The following CKAP2 variants were observed in gnomAD, a reference collection of about 807,000 sequenced individuals.
The protein encoded by CKAP2 is cytoskeleton-associated protein 2.
Under a neutral mutation model 58.4 loss-of-function variants are expected in CKAP2, and 46 were observed. The ratio of observed to expected loss-of-function variants is 0.79; its 90% CI spans 0.62 to 1.01. CKAP2 has a LOEUF of 1.01. Among genes scored for constraint, CKAP2 ranks in the 50% least tolerant of loss-of-function variants. The probability of loss-of-function intolerance (pLI) is 0.00; values close to 1 mark genes in which losing one functional copy is unlikely to be tolerated. For synonymous variants in CKAP2, 293 were observed against 280.9 expected (o/e 1.04, Z -0.43); for missense variants, 809 against 796.4 (o/e 1.02, Z -0.19).
intron 6 of CKAP2, among the ~76,000 whole-genome samples, chr13:52,467,094 C>T (rs2137859335): frequency 1.6e-5 from 2 of 123,372 alleles, no homozygotes; most frequent in Middle Eastern, 7.8e-3. Flanking sequence ...GAGCAACACC[C>T]TGTCTCAAAA....
rs768975894 is a variant in CKAP2, at chr13:52,473,832, A to G, written c.1550A>G (p.Glu517Gly). The change falls in exon 8 of 9, where the codon GAA (glutamate) becomes GGA (glycine). Residue 517 changes from glutamate (E) to glycine (G), a missense_variant. Transcript: ENST00000258607. Reference sequence around the variant, plus strand: ...TCTATAAATGTATTTTCTATAGGAGAAAATATGGAGAAGTCTTGTGCAAGC... The same window carrying G: ...TCTATAAATGTATTTTCTATAGGAGGAAATATGGAGAAGTCTTGTGCAAGC... ...MKSQEKANLG[E>G]NMEKSCASKE... is the part of the protein sequence containing the mutation. 2.8e-5 allele frequency: 45 copies of G among 1,596,220 alleles called. No individual in the cohort carries two copies. In the East Asian group the frequency reaches 1.0e-3, roughly 36 times the overall value.
chr13:52,475,236 C>A lies in CKAP2; in HGVS notation c.*95C>A. Reference sequence around the variant, plus strand: ...TATTGCTCTTAGGTCTGGAGTTGGCCATGTACCTATGTATCCTAAGCATTC... The same window carrying A: ...TATTGCTCTTAGGTCTGGAGTTGGCAATGTACCTATGTATCCTAAGCATTC... On this transcript the variant is annotated 3_prime_UTR_variant, in exon 9 of 9. Coordinates refer to ENST00000258607, the MANE Select transcript of CKAP2 (RefSeq NM_018204.5). 1 of 1,456,078 alleles carries A rather than the reference C, an allele frequency of 6.9e-7. No individual in the cohort carries two copies. The highest frequency in any genetic ancestry group is 9.3e-7 in the Non-Finnish European group (1 of 1,080,612). 90.2% of individuals were successfully genotyped at this position (1,456,078 alleles called of 1,614,324 possible). A position where few individuals can be genotyped will look rare whatever the true frequency, so the allele number is the denominator to read the frequency against.
At position 52,463,711 on chromosome 13, in the gene CKAP2, T is replaced by C. The variant is rs1306264419; in HGVS notation, c.1305+1144T>C. Among the ~76,000 whole-genome samples the C allele has an allele frequency of 3.9e-5, 6 of 152,310 alleles. No individual in the cohort carries two copies. The East Asian group carries it at 1.2e-3, about 29-fold the overall frequency. ...TTGAGGGACCAGGAAGTGGGTTCTC[T>C]AGGGATAAGGAGGCATTCTGCTGGG... On this transcript the variant is annotated intron_variant, in intron 5 of 8. Coordinates refer to ENST00000258607, the MANE Select transcript of CKAP2 (RefSeq NM_018204.5).
Position 52,460,506 on chromosome 13 carries a change from T to G in CKAP2, c.156-393T>G, listed in dbSNP as rs71437861. On this transcript the variant is annotated intron_variant, in intron 2 of 8. Transcript: ENST00000258607. ...GTCACCCAGGCTGGAGTGCAGTGGC[T>G]CGATCTTGGCTCACTGCGAACTCCG... 7.4e-3 allele frequency among the ~76,000 whole-genome samples: 1,109 copies of G among 150,826 alleles called. 6 individuals are homozygous for G. The highest frequency in any genetic ancestry group is 0.017 in the African/African-American group (695 of 41,074).
chr13:52,472,338 A>C (rs943197133), intron 7 of CKAP2, among the ~76,000 whole-genome samples: 1 of 152,356 alleles, frequency 6.6e-6, no homozygotes, highest in East Asian at 1.9e-4. Context: ...GTGCTAATGC[A>C]ATGCCTGACA....
At chr13:52,455,916 G>T (rs1958471113) in intron 1 of CKAP2, 5 of 1,150,262 alleles carry the variant, frequency 4.3e-6, no homozygotes, top group Non-Finnish European at 5.4e-6. Context: ...GCCGGGGTCG[G>T]TGTCGGAGAC....
rs939640108 is a variant in CKAP2 at position 52,476,438 on chromosome 13, T to C, written c.*1297T>C. 7.2e-5 allele frequency: 11 copies of C among 152,202 alleles called. No individual in the cohort carries two copies. Among genetic ancestry groups the C allele is most frequent in the Admixed American group, 3.9e-4 (6 of 15,272 alleles). The allele number at this position is 152,202 out of a possible 1,614,324, so 9.4% of individuals were successfully genotyped here. On this transcript the variant is annotated 3_prime_UTR_variant, in exon 9 of 9. Transcript: ENST00000258607. ...ATTTTAGCTTTGCTTTTGAAATACA[T>C]TGTAAGATTTGACTTGAGGTTTTTG... is the stretch of plus-strand genomic sequence containing the variant.
At chr13:52,457,933 G>T (rs1396825107) in intron 2 of CKAP2, among the ~76,000 whole-genome samples, 1 of 152,074 alleles carries the variant, frequency 6.6e-6, no homozygotes, top group African/African-American at 2.4e-5. Flanking sequence ...AAATGATAAC[G>T]CAAATGGGAT....
chr13:52,467,660 G>C (rs1427459305), intron 6 of CKAP2, among the ~76,000 whole-genome samples: 5 of 151,892 alleles, frequency 3.3e-5, no homozygotes, highest in Non-Finnish European at 5.9e-5. Context: ...AATGAGCCGA[G>C]ATCGCACCAC....
Position 52,461,408 on chromosome 13 carries a change from A to C in CKAP2, c.582A>C (p.Leu194=), listed in dbSNP as rs147763631. The C allele has an allele frequency of 3.7e-6, 6 of 1,614,120 alleles. No homozygotes were observed. The East Asian group carries it at 1.3e-4, about 36-fold the overall frequency. The change falls in exon 4 of 9, where the codon CTA becomes CTC. Residue 194 remains leucine (L), a synonymous_variant. Transcript: ENST00000258607. ...AGATTAATTCATTTAGAAAACCTCT[A>C]CAAGTCAAAGATGAGAGTTCTGCAG... ...QSKINSFRKP[L]QVKDESSAAT... is the part of the protein sequence containing the mutation.
At position 52,456,552 on chromosome 13, in the gene CKAP2, C is replaced by T; in HGVS notation, c.100C>T (p.Leu34=). ...AAGAAGACAAAAACTCAAGGAACAT[C>T]TGTTGAGAAGAAAAACGCTTTTTGC... is the stretch of plus-strand genomic sequence containing the variant. ...EQRRQKLKEH[L]LRRKTLFAYK... Residue 34 remains leucine (L), a synonymous_variant, in exon 2 of 9, where the codon CTG becomes TTG. Coordinates refer to ENST00000258607, the MANE Select transcript of CKAP2 (RefSeq NM_018204.5). The T allele has an allele frequency of 6.2e-7, 1 of 1,613,714 alleles. No homozygotes were observed. The highest frequency in any genetic ancestry group is 2.2e-5 in the East Asian group (1 of 44,842).
At position 52,461,572 on chromosome 13, in the gene CKAP2, C is replaced by T. The variant is rs371667488; in HGVS notation, c.746C>T (p.Thr249Ile). 5.0e-6 allele frequency: 8 copies of T among 1,614,054 alleles called. No homozygotes were observed. The highest frequency in any genetic ancestry group is 1.7e-5 in the Admixed American group (1 of 59,998). Residue 249 changes from threonine (T) to isoleucine (I), a missense_variant, in exon 4 of 9, where the codon ACA becomes ATA. Physicochemically the swap from Thr to Ile is moderately conservative, Grantham distance 89. Around this residue, in one of 3 missense-constraint regions of CKAP2, gnomAD observed 523 missense variants for 492.4 expected, o/e 1.06. Transcript: ENST00000258607. ...TTTGTGAGCACTACATCTCAGAACA[C>T]ACAACTTGTGCGACCTCCTATTAGA... Reference protein sequence around the residue: ...TKFVSTTSQNTQLVRPPIRSH... With the variant: ...TKFVSTTSQNIQLVRPPIRSH...
In CKAP2 at chr13:52,455,941, G is replaced by C. The variant is rs555495673; in HGVS notation, c.70+315G>C. 1,982 of 1,149,042 alleles carry C rather than the reference G, an allele frequency of 1.7e-3. 9 individuals carry two copies. The highest frequency in any genetic ancestry group is 2.0e-3 in the Non-Finnish European group (1,839 of 938,512). 71.2% of individuals were successfully genotyped at this position (1,149,042 alleles called of 1,614,324 possible). A position where few individuals can be genotyped will look rare whatever the true frequency, so the allele number is the denominator to read the frequency against. On this transcript the variant is annotated intron_variant, in intron 1 of 8. Coordinates refer to ENST00000258607, the MANE Select transcript of CKAP2 (RefSeq NM_018204.5). Reference sequence around the variant, plus strand: ...GTGTCGGAGACCCTGGGTCCGCTTGGGGGCGGGGCTGCACAGGTTCAGGGA... The same window carrying C: ...GTGTCGGAGACCCTGGGTCCGCTTGCGGGCGGGGCTGCACAGGTTCAGGGA...
At chr13:52,464,566 A>C (rs1268213707) in intron 5 of CKAP2, among the ~76,000 whole-genome samples, 5 of 151,974 alleles carry the variant, frequency 3.3e-5, no homozygotes, top group African/African-American at 7.3e-5. Context: ...AAAAAAAAAA[A>C]AAAAAAAACA....
At chr13:52,465,677 T>C in intron 6 of CKAP2, 1 of 636,536 alleles carries the variant, frequency 1.6e-6, no homozygotes, top group East Asian at 3.0e-5. Flanking sequence ...TTTTAGAAAA[T>C]GGATATAAGC....
At chr13:52,462,839 T>C (rs1420645560) in intron 5 of CKAP2, among the ~76,000 whole-genome samples, 1 of 152,212 alleles carries the variant, frequency 6.6e-6, no homozygotes, top group Non-Finnish European at 1.5e-5. Flanking sequence ...CCAAAATGCT[T>C]GGGACCAGAA....
At chr13:52,464,468 G>A (rs978232967) in intron 5 of CKAP2, among the ~76,000 whole-genome samples, 3 of 149,696 alleles carry the variant, frequency 2.0e-5, no homozygotes, top group Admixed American at 1.4e-4. Context: ...CTGGAGAATC[G>A]CTTGAACCTG....
chr13:52,468,229 G>A (rs779402157), intron 6 of CKAP2, 49 bp from the exon 7 acceptor site: 29 of 1,164,692 alleles, frequency 2.5e-5, no homozygotes, highest in Non-Finnish European at 3.1e-5. Context: ...GTTAATGTCA[G>A]AGAAAATAAA....
In CKAP2 at chr13:52,461,527, A is replaced by G. The variant is rs769974774; in HGVS notation, c.701A>G (p.Asn234Ser). 37 of 1,614,088 alleles carry G rather than the reference A, an allele frequency of 2.3e-5. No individual in the cohort carries two copies. Among genetic ancestry groups the G allele is most frequent in the South Asian group, 1.2e-4 (11 of 91,082 alleles). The change falls in exon 4 of 9, where the codon AAT becomes AGT. Residue 234 changes from asparagine (N) to serine (S), a missense_variant. This residue lies in a region of CKAP2 where 523 missense variants were observed against 492.4 expected (regional missense o/e 1.06). Coordinates refer to ENST00000258607, the MANE Select transcript of CKAP2 (RefSeq NM_018204.5). ...SVTVKSNRSS[N>S]MTATTKFVST... ...ACAGTGAAAAGTAATAGATCCTCCA[A>G]TATGACTGCCACTACTAAATTTGTG...
Sources: gnomAD v4.1 joint callset for allele counts (sites outside exome capture counted in the v4.1 genomes callset) on GRCh38, gnomAD v4.1.1 for gene constraint, gnomAD v4.1.1 regional missense constraint, MANE v1.5 for transcripts, NCBI Gene and HGNC (gene_info 2026-07-23, HGNC 2026-07-21) for gene names.